BACH2: variants seen among roughly 807,000 people sequenced by gnomAD.
BACH2 encodes BACH transcriptional regulator 2.
In BACH2, 5 loss-of-function variants were observed where a neutral mutation model predicts 61.8. The observed-to-expected ratio is 0.08, with a 90% CI of 0.04 to 0.17. The LOEUF (loss-of-function observed/expected upper bound fraction) is 0.17. BACH2 is among the 10% of genes least tolerant of loss of function. The probability of loss-of-function intolerance (pLI) is 1.00; values close to 1 mark genes in which losing one functional copy is unlikely to be tolerated. For synonymous variants in BACH2, 446 were observed against 440.1 expected (o/e 1.01, Z -0.17); for missense variants, 824 against 1,091.1 (o/e 0.76, Z 3.45).
chr6:90,064,948 A>T (rs1780870102), intron 5 of BACH2, among the ~76,000 whole-genome samples: 1 of 152,124 alleles, frequency 6.6e-6, no homozygotes, highest in African/African-American at 2.4e-5. Flanking sequence ...CACGTGCTTG[A>T]TGCTGGACAC....
chr6:90,001,926 A>C (rs527765883), intron 6 of BACH2, among the ~76,000 whole-genome samples: 1 of 152,364 alleles, frequency 6.6e-6, no homozygotes, highest in African/African-American at 2.4e-5. Flanking sequence ...GTTTCCCTCC[A>C]GCTACTGATC....
chr6:89,935,656 G>A (rs1368090246), intron 8 of BACH2, among the ~76,000 whole-genome samples: 10 of 152,144 alleles, frequency 6.6e-5, no homozygotes, highest in Admixed American at 6.5e-4. Flanking sequence ...GCTCTAATTT[G>A]GTTTTTTGGT....
chr6:90,221,379 G>A (rs1769728831), intron 3 of BACH2, among the ~76,000 whole-genome samples: 1 of 152,156 alleles, frequency 6.6e-6, no homozygotes, highest in South Asian at 2.1e-4. Context: ...ATACACCTCA[G>A]CATCTAATTT....
chr6:90,064,518 C>G (rs2127799662), intron 5 of BACH2, among the ~76,000 whole-genome samples: 1 of 152,240 alleles, frequency 6.6e-6, no homozygotes, highest in East Asian at 1.9e-4. Flanking sequence ...GGGTTAGGCT[C>G]CTGAGCAAGG....
In BACH2 at chr6:89,938,162, T is replaced by C. The variant is rs1489425909; in HGVS notation, c.2025A>G (p.Glu675=). The C allele has an allele frequency of 1.9e-6, 3 of 1,613,324 alleles. No individual in the cohort carries two copies. Among genetic ancestry groups the C allele is most frequent in the East Asian group, 4.5e-5 (2 of 44,842 alleles). ...AACTCACCAATTTGCGGATTTCACA[T>C]TCTAAATTCTGAATACAGTCCAGTT... ...KRKLDCIQNL[E]CEIRKLVCEK... The change falls in exon 8 of 9, where the codon GAA becomes GAG. Residue 675 remains glutamate (E), a synonymous_variant. Transcript: ENST00000257749.
At chr6:90,157,328 C>T (rs1486641363) in intron 4 of BACH2, among the ~76,000 whole-genome samples, 1 of 152,176 alleles carries the variant, frequency 6.6e-6, no homozygotes, top group African/African-American at 2.4e-5. Flanking sequence ...AAAACAATTA[C>T]AAAGGAACTC....
intron 5 of BACH2, among the ~76,000 whole-genome samples, chr6:90,086,822 T>C (rs1258318044): frequency 6.6e-6 from 1 of 152,224 alleles, no homozygotes; most frequent in East Asian, 1.9e-4. Flanking sequence ...TTTCACTTTA[T>C]GGTGAAGATG....
intron 5 of BACH2, among the ~76,000 whole-genome samples, chr6:90,043,060 T>G (rs898904414): frequency 9.9e-5 from 15 of 152,184 alleles, no homozygotes; most frequent in Non-Finnish European, 1.9e-4. Context: ...TAAGGGTAAC[T>G]TTGAGAATTT....
At chr6:90,157,543 G>A (rs73752891) in intron 4 of BACH2, among the ~76,000 whole-genome samples, 1 of 152,166 alleles carries the variant, frequency 6.6e-6, no homozygotes, top group Non-Finnish European at 1.5e-5. Flanking sequence ...TGATATCCTC[G>A]AGGGCCTGGG....
intron 3 of BACH2, among the ~76,000 whole-genome samples, chr6:90,226,165 G>T (rs888259136): frequency 6.6e-6 from 1 of 152,176 alleles, no homozygotes; most frequent in Non-Finnish European, 1.5e-5. Flanking sequence ...GAGGACGGAC[G>T]GTGGTGGCCA....
intron 2 of BACH2, among the ~76,000 whole-genome samples, chr6:90,253,814 G>A (rs1345269221): frequency 6.6e-6 from 1 of 152,056 alleles, no homozygotes; most frequent in Non-Finnish European, 1.5e-5. Context: ...GTTACACAGA[G>A]GCCTTAGTCA....
intron 5 of BACH2, among the ~76,000 whole-genome samples, chr6:90,067,294 T>C (rs1041597914): frequency 2.0e-5 from 3 of 152,152 alleles, no homozygotes; most frequent in Admixed American, 2.0e-4. Context: ...TGGAATTTAG[T>C]TTGGCTGTTG....
At chr6:89,984,374 GCC>G (rs1466312712) in intron 6 of BACH2, among the ~76,000 whole-genome samples, 3 of 151,972 alleles carry the variant, frequency 2.0e-5, no homozygotes, top group Admixed American at 2.0e-4. Flanking sequence ...AACAAGTAAT[GCC>G]ACACAAAGCA....
chr6:90,081,133 A>G lies in BACH2; in HGVS notation c.-13+7828T>C, dbSNP rs554979904. Among the ~76,000 whole-genome samples the G allele has an allele frequency of 9.2e-5, 14 of 152,280 alleles. No homozygotes were observed. In the East Asian group the frequency reaches 2.7e-3, roughly 29 times the overall value. ...TTTAGGTTAGAGAAAGTTAATCTCAATGTCAACTACAAAGCCAACAAACTT... is the reference window on the plus strand; with the variant it reads ...TTTAGGTTAGAGAAAGTTAATCTCAGTGTCAACTACAAAGCCAACAAACTT... On this transcript the variant is annotated intron_variant, in intron 5 of 8. Coordinates refer to ENST00000257749, the MANE Select transcript of BACH2 (RefSeq NM_021813.4).
At chr6:90,033,139 T>C (rs541883391) in intron 5 of BACH2, among the ~76,000 whole-genome samples, 137 of 151,588 alleles carry the variant, frequency 9.0e-4, no homozygotes, top group Middle Eastern at 3.4e-3. Flanking sequence ...TTCTCACTCA[T>C]AGGTGCGAAT....
chr6:89,976,349 C>T (rs1428703468), intron 6 of BACH2, among the ~76,000 whole-genome samples: 1 of 152,224 alleles, frequency 6.6e-6, no homozygotes, highest in Non-Finnish European at 1.5e-5. Context: ...CCTATTATTA[C>T]CATCTCACTA....
At chr6:90,122,724 C>A (rs1783681946) in intron 4 of BACH2, among the ~76,000 whole-genome samples, 1 of 152,184 alleles carries the variant, frequency 6.6e-6, no homozygotes, top group African/African-American at 2.4e-5. Flanking sequence ...GTTGGCGAGG[C>A]CTGGCTCTCC....
chr6:90,101,729 G>C (rs1255038125), intron 4 of BACH2, among the ~76,000 whole-genome samples: 1 of 152,206 alleles, frequency 6.6e-6, no homozygotes, highest in African/African-American at 2.4e-5. Flanking sequence ...GATAGGGATT[G>C]TGTTGACTAT....
chr6:90,108,789 A>G (rs1284511329), intron 4 of BACH2, among the ~76,000 whole-genome samples: 2 of 152,180 alleles, frequency 1.3e-5, no homozygotes, highest in African/African-American at 4.8e-5. Context: ...CATCCTCTGG[A>G]ACTTTCTTCA....
Sources: allele counts gnomAD v4.1 joint callset (sites outside exome capture counted in the v4.1 genomes callset), GRCh38; gene constraint gnomAD v4.1.1; transcripts MANE v1.5; gene names NCBI Gene and HGNC (gene_info 2026-07-23, HGNC 2026-07-21).